AFDN: variants seen among roughly 807,000 people sequenced by gnomAD.
The protein encoded by AFDN is afadin, adherens junction formation factor, also known as afadin.
AFDN carries 68 observed loss-of-function variants against 216.6 expected under a neutral mutation model. The observed-to-expected ratio is 0.31, with a 90% CI of 0.26 to 0.38. The LOEUF is 0.38. AFDN is among the 10% of genes least tolerant of loss of function. The probability of loss-of-function intolerance (pLI) is 1.00; values close to 1 mark genes in which losing one functional copy is unlikely to be tolerated. For missense variants in AFDN, 2,136 were observed against 2,342.0 expected (o/e 0.91, Z 1.82); for synonymous variants, 868 against 853.7 (o/e 1.02, Z -0.29).
At chr6:167,839,716 T>C (rs1780842534) in intron 1 of AFDN, among the ~76,000 whole-genome samples, 1 of 152,246 alleles carries the variant, frequency 6.6e-6, no homozygotes, top group Non-Finnish European at 1.5e-5. Flanking sequence ...TATGTAAGTT[T>C]TGCTGAGCAT....
chr6:167,954,427 C>CTTT, intron 30 of AFDN: 6 of 1,197,688 alleles, frequency 5.0e-6, no homozygotes, highest in South Asian at 1.6e-5. Flanking sequence ...CTTCATCTTT[C>CTTT]TTTTTTTTTT....
intron 18 of AFDN, 96 bp downstream of exon 18, chr6:167,914,834 A>G (rs924000835): frequency 3.9e-5 from 32 of 813,652 alleles, no homozygotes; most frequent in Admixed American, 1.0e-4. Flanking sequence ...TGTTTTTAAA[A>G]TAAATGGGAT....
rs774067436 is a variant in AFDN, at chr6:167,969,984, G to C, written c.*49G>C. The C allele has an allele frequency of 2.0e-6, 3 of 1,524,994 alleles. No homozygotes were observed. The highest frequency in any genetic ancestry group is 2.4e-5 in the East Asian group (1 of 41,448). 94.5% of individuals were successfully genotyped at this position (1,524,994 alleles called of 1,614,324 possible). On this transcript the variant is annotated 3_prime_UTR_variant, in exon 34 of 34. Coordinates refer to ENST00000683244, the MANE Select transcript of AFDN (RefSeq NM_001386888.1). Reference sequence around the variant, plus strand: ...TATTTACCCCAAAATCTTTTCAGTTGTGGGTTTGTAGGTGCGAGTTTGAAG... The same window carrying C: ...TATTTACCCCAAAATCTTTTCAGTTCTGGGTTTGTAGGTGCGAGTTTGAAG...
chr6:167,835,182 T>A (rs1780284398), intron 1 of AFDN, among the ~76,000 whole-genome samples: 1 of 152,108 alleles, frequency 6.6e-6, no homozygotes, highest in Non-Finnish European at 1.5e-5. Flanking sequence ...ATCAGAAAAA[T>A]TGTAAGTATA....
chr6:167,891,404 GGTGGGTGT>G (rs373703895), intron 8 of AFDN, among the ~76,000 whole-genome samples: 53,623 of 137,848 alleles, frequency 0.39, 10,353 homozygotes, highest in Middle Eastern at 0.51. Flanking sequence ...TTCATAAAGG[GGTGGGTGT>G]GTGTGTGTGT....
At position 167,918,904 on chromosome 6, in the gene AFDN, A is replaced by G. The variant is rs951766820; in HGVS notation, c.2879A>G (p.Gln960Arg). 1.9e-6 allele frequency: 3 copies of G among 1,614,122 alleles called. No individual in the cohort carries two copies. Among genetic ancestry groups the G allele is most frequent in the Admixed American group, 3.3e-5 (2 of 60,008 alleles). Reference sequence around the variant, plus strand: ...GTCAGAAACATTCCAAATGGTTTACAAGAATTTTTAGACCCTCTGTGCCAG... The same window carrying G: ...GTCAGAAACATTCCAAATGGTTTACGAGAATTTTTAGACCCTCTGTGCCAG... ...DVVRNIPNGL[Q>R]EFLDPLCQRG... The change falls in exon 21 of 34, where the codon CAA becomes CGA. Residue 960 changes from glutamine to arginine, a missense_variant. By Grantham distance (43) the Gln-to-Arg change is conservative (BLOSUM62 1). Transcript: ENST00000683244.
chr6:167,889,151 T>C, intron 6 of AFDN, 64 bp from the exon 7 acceptor site: 2 of 1,070,878 alleles, frequency 1.9e-6, no homozygotes, highest in East Asian at 2.4e-5. Context: ...AAATGTGTTC[T>C]TTTAAGTACT....
chr6:167,893,882 T>C lies in AFDN; in HGVS notation c.1198T>C (p.Tyr400His), dbSNP rs1453922261. The change falls in exon 9 of 34, where the codon TAC becomes CAC. Residue 400 changes from tyrosine (Y) to histidine (H), a missense_variant. Tyr to His is a moderately conservative substitution (Grantham distance 83). Around this residue, in one of 8 missense-constraint regions of AFDN, gnomAD observed 817 missense variants for 965.7 expected, o/e 0.85. Coordinates refer to ENST00000683244, the MANE Select transcript of AFDN (RefSeq NM_001386888.1). The part of the protein sequence containing the change: ...LSPGRRNHFA[Y>H]YNYHTYEDGS... ...CCCAGGGAGAAGGAATCACTTTGCC[T>C]ACTACAACTATCACACTTACGAAGG... 1.3e-6 allele frequency: 2 copies of C among 1,589,228 alleles called. No homozygotes were observed. Among genetic ancestry groups the C allele is most frequent in the Non-Finnish European group, 1.7e-6 (2 of 1,166,258 alleles).
rs536517206 is a variant in AFDN at position 167,927,432 on chromosome 6, T to C, written c.3099+2341T>C. ...AGTTTTAAAACTCTTGATTGACAGG[T>C]TAAGGAGTCTGTGCCTTATCTTGTA... On this transcript the variant is annotated intron_variant, in intron 23 of 33. Transcript: ENST00000683244. Among the ~76,000 whole-genome samples, 9 of 152,200 alleles carry C rather than the reference T, an allele frequency of 5.9e-5. No individual in the cohort carries two copies. In the South Asian group the frequency reaches 1.9e-3, roughly 32 times the overall value.
intron 23 of AFDN, among the ~76,000 whole-genome samples, chr6:167,936,425 C>T (rs375292583): frequency 7.9e-5 from 12 of 152,112 alleles, no homozygotes; most frequent in South Asian, 6.3e-4. Context: ...TAATTGTGTG[C>T]GCATGTAAAT....
intron 22 of AFDN, among the ~76,000 whole-genome samples, chr6:167,924,709 C>T (rs1205253502): frequency 6.6e-6 from 1 of 151,426 alleles, no homozygotes; most frequent in East Asian, 2.0e-4. Context: ...GGCTTTCTAC[C>T]TGATAGTAAT....
At chr6:167,964,509 A>G in intron 31 of AFDN, 1 of 1,066,010 alleles carries the variant, frequency 9.4e-7, no homozygotes, top group Non-Finnish European at 1.1e-6. Context: ...ACACAGAGCA[A>G]GAAGATTCAA....
intron 1 of AFDN, among the ~76,000 whole-genome samples, chr6:167,841,068 G>A (rs1781017415): frequency 6.6e-6 from 1 of 152,212 alleles, no homozygotes; most frequent in Admixed American, 6.5e-5. Context: ...AAATGAAACT[G>A]AAGGAGGTAA....
chr6:167,926,661 C>T (rs1334517252), intron 23 of AFDN, among the ~76,000 whole-genome samples: 2 of 152,216 alleles, frequency 1.3e-5, no homozygotes, highest in Non-Finnish European at 2.9e-5. Context: ...CGATCAAACT[C>T]CTGGCCTCAA....
At chr6:167,924,096 TA>T (rs534001758) in intron 22 of AFDN, among the ~76,000 whole-genome samples, 3,728 of 148,082 alleles carry the variant, frequency 0.025, 57 homozygotes, top group Non-Finnish European at 0.034. Context: ...GGTTTTGATT[TA>T]AAAAAAAAAA....
At chr6:167,832,707 T>A (rs1779962393) in intron 1 of AFDN, among the ~76,000 whole-genome samples, 1 of 152,222 alleles carries the variant, frequency 6.6e-6, no homozygotes, top group Non-Finnish European at 1.5e-5. Flanking sequence ...GTGAAACTCT[T>A]TTGAGGAACT....
chr6:167,844,724 C>T (rs957145440), intron 1 of AFDN, among the ~76,000 whole-genome samples: 2 of 152,152 alleles, frequency 1.3e-5, no homozygotes, highest in African/African-American at 4.8e-5. Context: ...GTGACTATGA[C>T]CCTTTACCTA....
intron 1 of AFDN, among the ~76,000 whole-genome samples, chr6:167,834,475 TTTTTC>T (rs1335761117): frequency 6.8e-6 from 1 of 146,314 alleles, no homozygotes; most frequent in African/African-American, 2.6e-5. Flanking sequence ...TTTTTTTTTT[TTTTTC>T]GAAAGGTATA....
At chr6:167,954,505 T>A (rs902440019) in intron 30 of AFDN, 3 of 1,603,626 alleles carry the variant, frequency 1.9e-6, no homozygotes, top group Non-Finnish European at 2.5e-6. Context: ...TATGTTCTTG[T>A]TTCTTTCCCT....
Sources: gnomAD v4.1 joint callset for allele counts (sites outside exome capture counted in the v4.1 genomes callset) on GRCh38, gnomAD v4.1.1 for gene constraint, gnomAD v4.1.1 regional missense constraint, MANE v1.5 for transcripts, NCBI Gene and HGNC (gene_info 2026-07-23, HGNC 2026-07-21) for gene names.